The following MBD5 variants were observed in gnomAD, a reference collection of about 807,000 sequenced individuals.
The protein encoded by MBD5 is methyl-CpG binding domain protein 5, also known as methyl-CpG-binding domain protein 5.
In MBD5, 13 loss-of-function variants were observed where a neutral mutation model predicts 117.3. That is an observed-to-expected ratio of 0.11 (90% CI 0.07 to 0.18). MBD5 has a LOEUF of 0.18. MBD5 is among the 10% of genes least tolerant of loss of function. The pLI is 1.00. For synonymous variants in MBD5, 727 were observed against 766.4 expected, an observed-to-expected ratio of 0.95 and a Z score of 0.85; for missense variants, 1,879 against 2,093.8, an observed-to-expected ratio of 0.90 and a Z score of 2.00.
At chr2:148,109,600 C>T (rs773596352) in intron 1 of MBD5, among the ~76,000 whole-genome samples, 1 of 151,952 alleles carries the variant, frequency 6.6e-6, no homozygotes, top group African/African-American at 2.4e-5. Flanking sequence ...TTAAAAGCCA[C>T]GATTATATAT....
chr2:148,423,032 C>A (rs2105277406), intron 4 of MBD5, among the ~76,000 whole-genome samples: 1 of 152,176 alleles, frequency 6.6e-6, no homozygotes, highest in Middle Eastern at 3.4e-3. Context: ...GGAGAACTTC[C>A]CCAACCTAGC....
intron 4 of MBD5, among the ~76,000 whole-genome samples, chr2:148,455,147 A>G (rs1706844301): frequency 6.6e-6 from 1 of 152,122 alleles, no homozygotes; most frequent in Admixed American, 6.6e-5. Context: ...TCACAAGATG[A>G]GTGTTGCGAA....
rs545497459 is a variant in MBD5, at chr2:148,371,715, G to A, written c.-557+29379G>A. 2.0e-5 allele frequency among the ~76,000 whole-genome samples: 3 copies of A among 152,194 alleles called. No individual in the cohort carries two copies. The South Asian group carries it at 6.2e-4, about 32-fold the overall frequency. ...TTTTCATCATTTTCTTATACTTAAC[G>A]TGAGAGCCATTTTTGGTTCTGAATT... On this transcript the variant is annotated intron_variant, in intron 4 of 13. Coordinates refer to ENST00000642680, the MANE Select transcript of MBD5 (RefSeq NM_001378120.1).
chr2:148,116,800 G>A (rs1430859790), intron 1 of MBD5, among the ~76,000 whole-genome samples: 1 of 152,128 alleles, frequency 6.6e-6, no homozygotes, highest in Non-Finnish European at 1.5e-5. Flanking sequence ...TTTATATCCA[G>A]TATTCCTTAT....
At chr2:148,041,811 C>T (rs759304310) in intron 1 of MBD5, among the ~76,000 whole-genome samples, 7 of 152,110 alleles carry the variant, frequency 4.6e-5, no homozygotes, top group Non-Finnish European at 1.0e-4. Flanking sequence ...CGTAAAAATC[C>T]TTTAATACCT....
intron 4 of MBD5, among the ~76,000 whole-genome samples, chr2:148,389,143 A>G (rs1249862333): frequency 1.4e-5 from 2 of 147,730 alleles, no homozygotes; most frequent in Non-Finnish European, 3.0e-5. Flanking sequence ...TGTTGCTGCA[A>G]AGGACATAAT....
intron 3 of MBD5, among the ~76,000 whole-genome samples, chr2:148,335,236 C>G (rs563247853): frequency 6.6e-6 from 1 of 152,086 alleles, no homozygotes; most frequent in South Asian, 2.1e-4. Context: ...CAAAAATTAT[C>G]CAGGTGTGGT....
Position 148,490,271 on chromosome 2 carries a change from C to A in MBD5, c.4639C>A (p.Leu1547Ile). The A allele has an allele frequency of 6.2e-7, 1 of 1,614,198 alleles. No homozygotes were observed. Among genetic ancestry groups the A allele is most frequent in the Non-Finnish European group, 8.5e-7 (1 of 1,180,032 alleles). The change falls in exon 11 of 14, where the codon CTA becomes ATA. Residue 1547 changes from leucine to isoleucine, a missense_variant. Transcript: ENST00000642680. Reference protein sequence around the residue: ...LLSTAKQDLVLEEQSPSSSNS... With the variant: ...LLSTAKQDLVIEEQSPSSSNS... ...AAGCACTGCAAAGCAAGACCTGGTCCTAGAGGAGCAGTCTCCAAGTTCCTC... is the reference window on the plus strand; with the variant it reads ...AAGCACTGCAAAGCAAGACCTGGTCATAGAGGAGCAGTCTCCAAGTTCCTC...
chr2:148,390,128 T>C (rs747799754), intron 4 of MBD5, among the ~76,000 whole-genome samples: 24 of 152,184 alleles, frequency 1.6e-4, no homozygotes, highest in African/African-American at 5.3e-4. Context: ...AGTTTCATTC[T>C]TCAGCATATG....
chr2:148,370,050 A>G (rs2105359164), intron 4 of MBD5, among the ~76,000 whole-genome samples: 1 of 152,270 alleles, frequency 6.6e-6, no homozygotes, highest in African/African-American at 2.4e-5. Context: ...TTCTTCCTCT[A>G]TATTTTATAC....
At chr2:148,392,267 G>A (rs1410507254) in intron 4 of MBD5, among the ~76,000 whole-genome samples, 1 of 152,080 alleles carries the variant, frequency 6.6e-6, no homozygotes, top group African/African-American at 2.4e-5. Context: ...TATGGTTTTT[G>A]ATTGGCTTTT....
chr2:148,494,770 G>C (rs1371562943), intron 11 of MBD5, among the ~76,000 whole-genome samples: 2 of 152,142 alleles, frequency 1.3e-5, no homozygotes, highest in Admixed American at 1.3e-4. Flanking sequence ...GACCATCCTG[G>C]CTGACACGGT....
At chr2:148,186,902 G>C (rs1158775775) in intron 2 of MBD5, among the ~76,000 whole-genome samples, 1 of 152,112 alleles carries the variant, frequency 6.6e-6, no homozygotes, top group Non-Finnish European at 1.5e-5. Flanking sequence ...ACATATACAA[G>C]GATATAAAGT....
At chr2:148,091,966 A>G (rs1007862617) in intron 1 of MBD5, among the ~76,000 whole-genome samples, 19 of 152,322 alleles carry the variant, frequency 1.2e-4, no homozygotes, top group African/African-American at 3.6e-4. Context: ...CAAATCATCA[A>G]GAAAGAAACA....
chr2:148,086,589 A>C (rs370040735), intron 1 of MBD5, among the ~76,000 whole-genome samples: 122 of 152,270 alleles, frequency 8.0e-4, no homozygotes, highest in African/African-American at 2.9e-3. Context: ...CACAGCCTTT[A>C]CATAATTTCT....
Position 148,470,398 on chromosome 2 carries a change from T to G in MBD5, c.2455T>G (p.Ser819Ala). ...TCCACCTCAGTCAAGAATTTCAACG[T>G]CCTCCACTCCAGTGATACCAAACAG... ...PNPPQSRIST[S>A]STPVIPNSIV... Residue 819 changes from serine to alanine, a missense_variant, in exon 8 of 14, where the codon TCC (serine) becomes GCC (alanine). By Grantham distance (99) the Ser-to-Ala change is moderately conservative. Around this residue, in one of 4 missense-constraint regions of MBD5, gnomAD observed 1,666 missense variants for 1,792.2 expected, o/e 0.93. Coordinates refer to ENST00000642680, the MANE Select transcript of MBD5 (RefSeq NM_001378120.1). 1 of 1,613,280 alleles carries G rather than the reference T, an allele frequency of 6.2e-7. No homozygotes were observed. Among genetic ancestry groups the G allele is most frequent in the Non-Finnish European group, 8.5e-7 (1 of 1,179,480 alleles).
chr2:148,315,850 T>G (rs1393168834), intron 3 of MBD5, among the ~76,000 whole-genome samples: 2 of 152,202 alleles, frequency 1.3e-5, no homozygotes, highest in Non-Finnish European at 2.9e-5. Context: ...TCAAGACTAA[T>G]TTTAACACCA....
intron 4 of MBD5, among the ~76,000 whole-genome samples, chr2:148,383,766 T>A (rs1171761239): frequency 6.6e-6 from 1 of 152,188 alleles, no homozygotes; most frequent in Non-Finnish European, 1.5e-5. Flanking sequence ...TCCACCATGA[T>A]GAAGTGGGCT....
At chr2:148,301,379 T>C (rs1701773158) in intron 3 of MBD5, among the ~76,000 whole-genome samples, 1 of 152,200 alleles carries the variant, frequency 6.6e-6, no homozygotes, top group South Asian at 2.1e-4. Context: ...TTAGCAGTGG[T>C]GAATCCATAT....
Sources: gnomAD v4.1 joint callset for allele counts (sites outside exome capture counted in the v4.1 genomes callset) on GRCh38, gnomAD v4.1.1 for gene constraint, gnomAD v4.1.1 regional missense constraint, MANE v1.5 for transcripts, NCBI Gene and HGNC (gene_info 2026-07-23, HGNC 2026-07-21) for gene names.